NUP107: variants seen among roughly 807,000 people sequenced by gnomAD.
The protein encoded by NUP107 is nuclear pore complex protein Nup107.
NUP107 carries 101 observed loss-of-function variants against 141.0 expected under a neutral mutation model. The ratio of observed to expected loss-of-function variants is 0.72; its 90% CI spans 0.61 to 0.84. The LOEUF is 0.84. Among genes scored for constraint, NUP107 ranks in the 40% least tolerant of loss-of-function variants. The probability of loss-of-function intolerance (pLI) is 0.00; values close to 1 mark genes in which losing one functional copy is unlikely to be tolerated. For missense variants in NUP107, 941 were observed against 1,102.7 expected (o/e 0.85, Z 2.08); for synonymous variants, 319 against 363.9 (o/e 0.88, Z 1.41).
In NUP107 at chr12:68,725,908, C is replaced by T. The variant is rs1877546173; in HGVS notation, c.1576+112C>T. 5 of 605,602 alleles carry T rather than the reference C, an allele frequency of 8.3e-6. No individual in the cohort carries two copies. In the South Asian group the frequency reaches 1.0e-4, roughly 12 times the overall value. 37.5% of individuals were successfully genotyped at this position (605,602 alleles called of 1,614,324 possible). A position where few individuals can be genotyped will look rare whatever the true frequency, so the allele number is the denominator to read the frequency against. On this transcript the variant is annotated intron_variant, in intron 18 of 27. Coordinates refer to ENST00000229179, the MANE Select transcript of NUP107 (RefSeq NM_020401.4). ...CTGGAGTGCAGTGGCTCAGTCTCAG[C>T]TCACTGCAACCTCTGTCTCCTGGGT...
At chr12:68,698,322 TG>T (rs1291872362) in intron 6 of NUP107, among the ~76,000 whole-genome samples, 1 of 152,156 alleles carries the variant, frequency 6.6e-6, no homozygotes, top group Non-Finnish European at 1.5e-5. Context: ...GGAGAGGATG[TG>T]GAGCAACAGG....
chr12:68,706,025 C>T (rs1876562073), intron 8 of NUP107: 12 of 849,828 alleles, frequency 1.4e-5, no homozygotes, highest in South Asian at 2.6e-5. Flanking sequence ...CGGCAGAAGA[C>T]GGCTCAGAGC....
At chr12:68,715,514 T>G in intron 11 of NUP107, 113 bp from the exon 12 acceptor site, 1 of 674,524 alleles carries the variant, frequency 1.5e-6, no homozygotes, top group Admixed American at 2.4e-5. Flanking sequence ...AAAGAAAAAA[T>G]GAATTTATTT....
chr12:68,705,941 C>T, intron 8 of NUP107: 3 of 910,318 alleles, frequency 3.3e-6, no homozygotes, highest in South Asian at 2.6e-5. Flanking sequence ...AACAAGTTTG[C>T]CTCCTTCATT....
intron 8 of NUP107, chr12:68,705,810 T>C: frequency 1.3e-6 from 1 of 765,434 alleles, no homozygotes; most frequent in Non-Finnish European, 2.4e-6. Flanking sequence ...GGGCCAGTGG[T>C]AGGGGAGGCA....
intron 5 of NUP107, among the ~76,000 whole-genome samples, chr12:68,695,555 T>C (rs1876010944): frequency 6.6e-6 from 1 of 152,166 alleles, no homozygotes; most frequent in Admixed American, 6.6e-5. Flanking sequence ...ACATGAGATA[T>C]TTAGAATAGT....
chr12:68,726,832 GT>G (rs1592516384), intron 19 of NUP107, among the ~76,000 whole-genome samples: 1 of 152,152 alleles, frequency 6.6e-6, no homozygotes, highest in African/African-American at 2.4e-5. Context: ...TGGTTAACTG[GT>G]TTTTAATAAA....
chr12:68,733,101 T>C (rs1877910881), intron 23 of NUP107, among the ~76,000 whole-genome samples: 1 of 142,082 alleles, frequency 7.0e-6, no homozygotes, highest in African/African-American at 2.7e-5. Context: ...ACTCTTTATC[T>C]ATCAAACCTG....
At position 68,721,930 on chromosome 12, in the gene NUP107, A is replaced by G. The variant is rs1350975446; in HGVS notation, c.1401A>G (p.Thr467=). The part of the protein sequence containing the change: ...VDSLVEQEIQ[T]SVATLDETEE... ...GTCTGGTAGAACAGGAGATCCAGAC[A>G]TCAGTAGCAACTCTGGATGAAACTG... Residue 467 remains threonine, a synonymous_variant, in exon 16 of 28, where the codon ACA becomes ACG. Transcript: ENST00000229179. The G allele has an allele frequency of 1.9e-6, 3 of 1,613,956 alleles. No individual in the cohort carries two copies. Among genetic ancestry groups the G allele is most frequent in the Non-Finnish European group, 2.5e-6 (3 of 1,179,916 alleles).
intron 6 of NUP107, 102 bp from the exon 7 acceptor site, chr12:68,700,624 C>A: frequency 2.9e-6 from 2 of 693,048 alleles, no homozygotes; most frequent in South Asian, 3.5e-5. Flanking sequence ...ATAATATATA[C>A]TTATTAAATA....
chr12:68,727,366 G>T lies in NUP107; in HGVS notation c.1711G>T (p.Glu571Ter). 6.6e-7 allele frequency: 1 copy of T among 1,513,734 alleles called. No homozygotes were observed. The highest frequency in any genetic ancestry group is 1.2e-5 in the South Asian group (1 of 83,498). 93.8% of individuals were successfully genotyped at this position (1,513,734 alleles called of 1,614,324 possible). A position where few individuals can be genotyped will look rare whatever the true frequency, so the allele number is the denominator to read the frequency against. The change falls in exon 20 of 28, where the codon GAA becomes TAA. Residue 571 changes from glutamate to a stop codon, truncating the protein, a stop_gained. Coordinates refer to ENST00000229179, the MANE Select transcript of NUP107 (RefSeq NM_020401.4). LOFTEE classifies it high-confidence loss of function. ...GLQTKEEVSI[E>*]VLKTYIQLLI... ...TCCTATGAAGGAGGAAGTTTCTATT[G>T]AAGTTTTAAAGACATACATACAGGT...
At chr12:68,704,021 C>G (rs1427641050) in intron 8 of NUP107, among the ~76,000 whole-genome samples, 2 of 152,150 alleles carry the variant, frequency 1.3e-5, no homozygotes. Flanking sequence ...CTACGGTGAG[C>G]TACAACCATA....
chr12:68,704,896 C>A (rs141544199), intron 8 of NUP107, among the ~76,000 whole-genome samples: 3 of 150,752 alleles, frequency 2.0e-5, no homozygotes, highest in Non-Finnish European at 4.4e-5. Context: ...GTGGCCAGCA[C>A]GGCGGGGACA....
chr12:68,741,590 G>GT (rs1164742962), intron 26 of NUP107, among the ~76,000 whole-genome samples: 10 of 152,240 alleles, frequency 6.6e-5, no homozygotes, highest in African/African-American at 2.4e-4. Context: ...TTTTATGCAT[G>GT]TTTTTATTCA....
In NUP107 at chr12:68,744,137, A is replaced by T. The variant is rs1878424291; in HGVS notation, c.*1675A>T. 1 of 152,224 alleles carries T rather than the reference A, an allele frequency of 6.6e-6. No individual in the cohort carries two copies. The highest frequency in any genetic ancestry group is 1.5e-5 in the Non-Finnish European group (1 of 68,048). 9.4% of individuals were successfully genotyped at this position (152,224 alleles called of 1,614,324 possible). A position where few individuals can be genotyped will look rare whatever the true frequency, so the allele number is the denominator to read the frequency against. The stretch of plus-strand genomic sequence containing the variant: ...CAACAGTGGGAAAACTACTTAGCCT[A>T]AATGAGGAGGAGGAATATTGTATGC... On this transcript the variant is annotated 3_prime_UTR_variant, in exon 28 of 28. Coordinates refer to ENST00000229179, the MANE Select transcript of NUP107 (RefSeq NM_020401.4).
At chr12:68,721,706 A>T in intron 15 of NUP107, 135 bp from the exon 16 acceptor site, 1 of 836,542 alleles carries the variant, frequency 1.2e-6, no homozygotes, top group East Asian at 2.6e-5. Context: ...GTTATTTGGC[A>T]TAATTTTTTT....
At chr12:68,720,779 C>T (rs904095693) in intron 14 of NUP107, among the ~76,000 whole-genome samples, 19 of 152,090 alleles carry the variant, frequency 1.2e-4, no homozygotes, top group African/African-American at 3.9e-4. Flanking sequence ...ATCAGAATGT[C>T]AGGTATTGAG....
rs1877330925 is a variant in NUP107 at position 68,721,121 on chromosome 12, C to G, written c.1255C>G (p.Leu419Val). The change falls in exon 15 of 28, where the codon CTT (leucine) becomes GTT (valine). Residue 419 changes from leucine to valine, a missense_variant. Physicochemically the swap from Leu to Val is conservative, Grantham distance 32. Coordinates refer to ENST00000229179, the MANE Select transcript of NUP107 (RefSeq NM_020401.4). Reference sequence around the variant, plus strand: ...GTTTATATTCATTGTGTTTTAGGAGCTTTTTAATAGATACGAGAGAGCAAT... The same window carrying G: ...GTTTATATTCATTGTGTTTTAGGAGGTTTTTAATAGATACGAGAGAGCAAT... ...ISCWRMAEDE[L>V]FNRYERAIYA... The G allele has an allele frequency of 3.1e-6, 5 of 1,592,186 alleles. No individual in the cohort carries two copies. Among genetic ancestry groups the G allele is most frequent in the Non-Finnish European group, 4.3e-6 (5 of 1,163,534 alleles).
chr12:68,708,819 A>G (rs1876714003), intron 8 of NUP107, among the ~76,000 whole-genome samples: 1 of 152,108 alleles, frequency 6.6e-6, no homozygotes, highest in Non-Finnish European at 1.5e-5. Context: ...TGGATTCACC[A>G]TTTTGGCCAG....
Sources: allele counts gnomAD v4.1 joint callset (sites outside exome capture counted in the v4.1 genomes callset), GRCh38; gene constraint gnomAD v4.1.1; transcripts MANE v1.5; gene names NCBI Gene and HGNC (gene_info 2026-07-23, HGNC 2026-07-21).